Variants in SHISA9 observed in about 807,000 individuals in gnomAD.
SHISA9 encodes the protein protein shisa-9.
Under a neutral mutation model 38.0 loss-of-function variants are expected in SHISA9, and 13 were observed. The observed-to-expected ratio is 0.34, with a 90% confidence interval of 0.22 to 0.54. SHISA9 has a LOEUF of 0.54. Among genes scored for constraint, SHISA9 ranks in the 20% least tolerant of loss-of-function variants. SHISA9 has a pLI of 0.91. For missense variants in SHISA9, 538 were observed against 575.8 expected, an observed-to-expected ratio of 0.93 and a Z score of 0.67; for synonymous variants, 275 against 242.0, an observed-to-expected ratio of 1.14 and a Z score of -1.27.
chr16:13,336,449 T>C, the SHISA9 span, among the ~76,000 whole-genome samples: 2 of 152,246 alleles, frequency 1.3e-5, no homozygotes, highest in Non-Finnish European at 2.9e-5. Flanking sequence ...ATTATTTTGC[T>C]AGTCCCAGGC....
chr16:13,393,984 C>T, the SHISA9 span, among the ~76,000 whole-genome samples: 9 of 152,206 alleles, frequency 5.9e-5, no homozygotes, highest in African/African-American at 1.7e-4. Context: ...CTCTACGTCA[C>T]GTCCCACTGT....
At chr16:12,955,065 T>C (rs2071810921) in intron 2 of SHISA9, among the ~76,000 whole-genome samples, 2 of 152,004 alleles carry the variant, frequency 1.3e-5, no homozygotes, top group South Asian at 4.2e-4. Context: ...TGCTGTTTTT[T>C]TTTTATTCTT....
the SHISA9 span, among the ~76,000 whole-genome samples, chr16:13,386,186 C>T: frequency 6.6e-6 from 1 of 152,172 alleles, no homozygotes; most frequent in African/African-American, 2.4e-5. Flanking sequence ...ATGTCAATAT[C>T]CTGATTATGA....
At position 13,119,821 on chromosome 16, in the gene SHISA9, G is replaced by A. The variant is rs140910885; in HGVS notation, c.692-83573G>A. ...TTGGCTAACTAGTTATTTCAGGCAA[G>A]TACTTAATATTGAAAGGGAGTTAAT... On this transcript the variant is annotated intron_variant, in intron 2 of 4. Transcript: ENST00000558583. Among the ~76,000 whole-genome samples the A allele has an allele frequency of 3.1e-3, 465 of 152,312 alleles. 1 individual carries two copies. Among genetic ancestry groups the A allele is most frequent in the African/African-American group, 0.011 (447 of 41,572 alleles).
chr16:13,427,727 A>C, the SHISA9 span, among the ~76,000 whole-genome samples: 3 of 152,146 alleles, frequency 2.0e-5, no homozygotes, highest in Non-Finnish European at 4.4e-5. Context: ...GAAATGAGGC[A>C]AAAAGTGGAC....
the SHISA9 span, among the ~76,000 whole-genome samples, chr16:13,359,698 A>C: frequency 6.6e-6 from 1 of 152,100 alleles, no homozygotes; most frequent in African/African-American, 2.4e-5. Flanking sequence ...GGATTTTTGT[A>C]AGATCTGAAG....
rs558033010 is a variant in SHISA9 at position 13,159,864 on chromosome 16, T to C, written c.692-43530T>C. On this transcript the variant is annotated intron_variant, in intron 2 of 4. Transcript: ENST00000558583. Reference sequence around the variant, plus strand: ...CTGAAGCTCATATTGCTGCCTCTTCTTCCTGACTCCTGTTCTTTCTCCCAC... The same window carrying C: ...CTGAAGCTCATATTGCTGCCTCTTCCTCCTGACTCCTGTTCTTTCTCCCAC... 2.0e-5 allele frequency among the ~76,000 whole-genome samples: 3 copies of C among 152,340 alleles called. No individual in the cohort carries two copies. In the East Asian group the frequency reaches 5.8e-4, roughly 29 times the overall value.
At chr16:13,447,390 C>T in the SHISA9 span, among the ~76,000 whole-genome samples, 4 of 152,206 alleles carry the variant, frequency 2.6e-5, no homozygotes, top group African/African-American at 9.7e-5. Context: ...GGCAGGAACT[C>T]TGAGAGCAAT....
rs1158314870 is a variant in SHISA9, at chr16:13,200,724, G to A, written c.692-2670G>A. Among the ~76,000 whole-genome samples the A allele has an allele frequency of 6.3e-5, 8 of 127,312 alleles. 2 individuals are homozygous for A. The highest frequency in any genetic ancestry group is 2.4e-4 in the African/African-American group (8 of 33,206). The allele number at this position is 127,312 out of a possible 152,430, so 83.5% of individuals were successfully genotyped here. A position where few individuals can be genotyped will look rare whatever the true frequency, so the allele number is the denominator to read the frequency against. Reference sequence around the variant, plus strand: ...GGCCAAAAAGCTATCGTGGTAGAAGGATACATGCGTCTCTCCAGACGTTGG... The same window carrying A: ...GGCCAAAAAGCTATCGTGGTAGAAGAATACATGCGTCTCTCCAGACGTTGG... On this transcript the variant is annotated intron_variant, in intron 2 of 4. Transcript: ENST00000558583.
At chr16:13,250,568 G>A in the SHISA9 span, among the ~76,000 whole-genome samples, 2 of 152,130 alleles carry the variant, frequency 1.3e-5, no homozygotes, top group African/African-American at 4.8e-5. Flanking sequence ...CTCCTCTGAC[G>A]CTCTTGGTCA....
the SHISA9 span, among the ~76,000 whole-genome samples, chr16:13,445,223 C>T: frequency 6.6e-6 from 1 of 151,934 alleles, no homozygotes; most frequent in Non-Finnish European, 1.5e-5. Flanking sequence ...TGTCTCCCTC[C>T]TATTTATAAG....
chr16:12,929,336 A>G (rs1023347314), intron 2 of SHISA9, among the ~76,000 whole-genome samples: 1 of 152,162 alleles, frequency 6.6e-6, no homozygotes, highest in South Asian at 2.1e-4. Flanking sequence ...AGATACATGC[A>G]CCTGTATGTT....
intron 2 of SHISA9, among the ~76,000 whole-genome samples, chr16:13,130,465 C>A (rs1174564805): frequency 1.3e-5 from 2 of 152,082 alleles, no homozygotes; most frequent in East Asian, 3.9e-4. Flanking sequence ...TGATACCATC[C>A]CTATCATTTA....
chr16:13,485,422 T>G, the SHISA9 span, among the ~76,000 whole-genome samples: 4 of 152,240 alleles, frequency 2.6e-5, no homozygotes, highest in African/African-American at 9.6e-5. Context: ...ATGCCACATT[T>G]TCTTTATCCA....
chr16:13,422,753 AACAAACAATTGGGTT>A, the SHISA9 span, among the ~76,000 whole-genome samples: 1 of 152,132 alleles, frequency 6.6e-6, no homozygotes, highest in East Asian at 1.9e-4. Flanking sequence ...CACCAACAAC[AACAAACAATTGGGTT>A]AAAAAGTTAC....
At position 13,160,238 on chromosome 16, in the gene SHISA9, A is replaced by G. The variant is rs79169780; in HGVS notation, c.692-43156A>G. Among the ~76,000 whole-genome samples, 97 of 152,274 alleles carry G rather than the reference A, an allele frequency of 6.4e-4. No individual in the cohort carries two copies. The East Asian group carries it at 0.018, about 29-fold the overall frequency. On this transcript the variant is annotated intron_variant, in intron 2 of 4. Coordinates refer to ENST00000558583, the MANE Select transcript of SHISA9 (RefSeq NM_001145204.3). Reference sequence around the variant, plus strand: ...TTCTGGGTACAGATGAAGGATTAACATGGATAGAGAGCAATGAGGGAGAGA... The same window carrying G: ...TTCTGGGTACAGATGAAGGATTAACGTGGATAGAGAGCAATGAGGGAGAGA...
the SHISA9 span, among the ~76,000 whole-genome samples, chr16:13,300,925 T>C: frequency 1.2e-3 from 185 of 150,442 alleles, no homozygotes; most frequent in African/African-American, 4.3e-3. Context: ...ACCTCCTCCT[T>C]CTTCTTTCTT....
At chr16:13,131,423 T>C (rs993272749) in intron 2 of SHISA9, among the ~76,000 whole-genome samples, 1 of 151,890 alleles carries the variant, frequency 6.6e-6, no homozygotes, top group African/African-American at 2.4e-5. Context: ...TAAGAACACA[T>C]GGACACATGG....
chr16:12,918,225 CA>C (rs1158039177), intron 2 of SHISA9, among the ~76,000 whole-genome samples: 2 of 152,174 alleles, frequency 1.3e-5, no homozygotes, highest in Non-Finnish European at 2.9e-5. Flanking sequence ...TCAATTCTGA[CA>C]CGGCAGTTGC....
Sources: allele counts gnomAD v4.1 joint callset (sites outside exome capture counted in the v4.1 genomes callset), GRCh38; gene constraint gnomAD v4.1.1; transcripts MANE v1.5; gene names NCBI Gene and HGNC (gene_info 2026-07-23, HGNC 2026-07-21).